UGT2B15: variants seen among roughly 807,000 people sequenced by gnomAD.
The protein encoded by UGT2B15 is UDP glucuronosyltransferase family 2 member B15.
A neutral mutation model predicts 45.9 loss-of-function variants in UGT2B15; 36 were observed. The observed-to-expected ratio is 0.78, with a 90% confidence interval of 0.60 to 1.04. The LOEUF is 1.04. Among genes scored for constraint, UGT2B15 ranks in the 50% least tolerant of loss-of-function variants. The probability of loss-of-function intolerance (pLI) is 0.00; values close to 1 mark genes in which losing one functional copy is unlikely to be tolerated. For synonymous variants in UGT2B15, 219 were observed against 216.4 expected (o/e 1.01, Z -0.11); for missense variants, 617 against 622.4 (o/e 0.99, Z 0.09).
At position 68,655,174 on chromosome 4, in the gene UGT2B15, C is replaced by T. The variant is rs773027308; in HGVS notation, c.1014G>A (p.Trp338Ter). ...ALAQIPQKVL[W>*]RFDGKKPNTL... ...TATTTGGCTTCTTGCCATCAAATCT[C>T]CATAGAACCTGTTAGGGCAAGGAAA... Residue 338 changes from tryptophan (W) to a stop codon, truncating the protein, a stop_gained, in exon 4 of 6, where the codon TGG becomes TGA. Transcript: ENST00000338206. LOFTEE classifies it high-confidence loss of function. The T allele has an allele frequency of 6.2e-7, 1 of 1,613,256 alleles. No homozygotes were observed. Among genetic ancestry groups the T allele is most frequent in the East Asian group, 2.2e-5 (1 of 44,778 alleles).
chr4:68,647,219 T>C lies in UGT2B15; in HGVS notation c.1478A>G (p.Asp493Gly). 1 of 1,613,912 alleles carries C rather than the reference T, an allele frequency of 6.2e-7. No individual in the cohort carries two copies. Among genetic ancestry groups the C allele is most frequent in the South Asian group, 1.1e-5 (1 of 91,066 alleles). Residue 493 changes from aspartate (D) to glycine (G), a missense_variant, in exon 6 of 6, where the codon GAT becomes GGT. Around this residue, in one of 3 missense-constraint regions of UGT2B15, gnomAD observed 265 missense variants for 245.1 expected, o/e 1.08. Transcript: ENST00000338206. ...GCAGGCCAGCAGGAATGCTATCACA[T>C]CCAAAGAGTGGTACTGGATCCAGGT... ...NLTWIQYHSL[D>G]VIAFLLACVA...
intron 5 of UGT2B15, among the ~76,000 whole-genome samples, chr4:68,650,430 C>T (rs980427890): frequency 7.9e-5 from 12 of 151,958 alleles, no homozygotes; most frequent in Admixed American, 1.3e-4. Flanking sequence ...TTAGTTGCTG[C>T]GGATAATGGC....
At chr4:68,653,513 G>T (rs1732712976) in intron 5 of UGT2B15, among the ~76,000 whole-genome samples, 1 of 151,920 alleles carries the variant, frequency 6.6e-6, no homozygotes, top group Non-Finnish European at 1.5e-5. Flanking sequence ...TACATTATGA[G>T]TTTAATTTGA....
chr4:68,664,510 T>C (rs1733062376), intron 2 of UGT2B15, among the ~76,000 whole-genome samples: 2 of 152,212 alleles, frequency 1.3e-5, no homozygotes, highest in Middle Eastern at 3.4e-3. Context: ...TTCTAAAATA[T>C]GTCAATTCAG....
chr4:68,666,733 CAT>C lies in UGT2B15; in HGVS notation c.873+1305_873+1306del, dbSNP rs975003043. 9.8e-3 allele frequency among the ~76,000 whole-genome samples: 1,329 copies of C among 136,286 alleles called. 27 individuals are homozygous for C. Among genetic ancestry groups the C allele is most frequent in the African/African-American group, 0.032 (1,212 of 37,336 alleles). The allele number at this position is 136,286 out of a possible 152,430, so 89.4% of individuals were successfully genotyped here. On this transcript the variant is annotated intron_variant, in intron 2 of 5. Transcript: ENST00000338206. ...TTGTCCCTATGGGTATATCAAATTA[CAT>C]ATATATATATATATATATTTTTTTT...
rs970912805 is a variant in UGT2B15 at position 68,653,522 on chromosome 4, G to A, written c.1313+515C>T. 3.3e-5 allele frequency among the ~76,000 whole-genome samples: 5 copies of A among 151,834 alleles called. 1 individual carries two copies. Among genetic ancestry groups the A allele is most frequent in the Middle Eastern group, 6.5e-3 (2 of 310 alleles). Reference sequence around the variant, plus strand: ...ACTTCATACATTATGAGTTTAATTTGAATTCATTAAAATGTTCTTTAGGGC... The same window carrying A: ...ACTTCATACATTATGAGTTTAATTTAAATTCATTAAAATGTTCTTTAGGGC... On this transcript the variant is annotated intron_variant, in intron 5 of 5. Coordinates refer to ENST00000338206, the MANE Select transcript of UGT2B15 (RefSeq NM_001076.4).
intron 3 of UGT2B15, among the ~76,000 whole-genome samples, chr4:68,659,953 C>CTT: frequency 7.0e-6 from 1 of 141,930 alleles, no homozygotes; most frequent in Non-Finnish European, 1.5e-5. Context: ...GTGAAGGAAT[C>CTT]TTTTTTTTTT....
rs1260706485 is a variant in UGT2B15 at position 68,670,440 on chromosome 4, G to C, written c.179C>G (p.Ala60Gly). The C allele has an allele frequency of 1.2e-6, 2 of 1,613,912 alleles. No homozygotes were observed. Among genetic ancestry groups the C allele is most frequent in the Non-Finnish European group, 1.7e-6 (2 of 1,179,980 alleles). ...TTTACTGGCATTGACAAGAGTAGAA[G>C]CCGAAGATGTCAACACAGTCACCTC... Reference protein sequence around the residue: ...GHEVTVLTSSASTLVNASKSS... With the variant: ...GHEVTVLTSSGSTLVNASKSS... The change falls in exon 1 of 6, where the codon GCT becomes GGT. Residue 60 changes from alanine to glycine, a missense_variant. Transcript: ENST00000338206.
In UGT2B15 at chr4:68,646,965, T is replaced by A; in HGVS notation, c.*139A>T. 1 of 1,316,530 alleles carries A rather than the reference T, an allele frequency of 7.6e-7. No individual in the cohort carries two copies. The highest frequency in any genetic ancestry group is 1.0e-6 in the Non-Finnish European group (1 of 961,530). 81.6% of individuals were successfully genotyped at this position (1,316,530 alleles called of 1,614,324 possible). A position where few individuals can be genotyped will look rare whatever the true frequency, so the allele number is the denominator to read the frequency against. On this transcript the variant is annotated 3_prime_UTR_variant, in exon 6 of 6. Transcript: ENST00000338206. ...AAGTACGTATTAAATCCCTGGAAAA[T>A]AAATTTTGTCTTAACAAGGTAAGTT...
At chr4:68,666,750 A>ATTTTTTTTT (rs1327859346) in intron 2 of UGT2B15, among the ~76,000 whole-genome samples, 2 of 120,610 alleles carry the variant, frequency 1.7e-5, no homozygotes, top group Non-Finnish European at 1.7e-5. Flanking sequence ...ATATATATAT[A>ATTTTTTTTT]TATTTTTTTT....
At chr4:68,652,118 T>G (rs1390883453) in intron 5 of UGT2B15, among the ~76,000 whole-genome samples, 2 of 152,094 alleles carry the variant, frequency 1.3e-5, no homozygotes, top group Admixed American at 1.3e-4. Flanking sequence ...CCTAGGTATT[T>G]TATTCTCTTT....
At chr4:68,665,487 T>C (rs1478916238) in intron 2 of UGT2B15, among the ~76,000 whole-genome samples, 7 of 152,162 alleles carry the variant, frequency 4.6e-5, no homozygotes, top group African/African-American at 1.4e-4. Flanking sequence ...GTTTTTTTAA[T>C]GAGTATTTGC....
intron 5 of UGT2B15, 98 bp from the exon 6 acceptor site, chr4:68,647,481 T>G (rs1471017295): frequency 7.5e-7 from 1 of 1,338,726 alleles, no homozygotes. Flanking sequence ...ACACAAATGA[T>G]TGAAAGTAAG....
intron 3 of UGT2B15, among the ~76,000 whole-genome samples, chr4:68,657,500 A>C (rs1275402865): frequency 6.6e-6 from 1 of 152,128 alleles, no homozygotes; most frequent in African/African-American, 2.4e-5. Context: ...GCCACAGCTC[A>C]GTTCCTCCTT....
intron 1 of UGT2B15, among the ~76,000 whole-genome samples, chr4:68,668,764 C>T (rs1193681312): frequency 6.6e-6 from 1 of 150,884 alleles, no homozygotes; most frequent in African/African-American, 2.4e-5. Flanking sequence ...TTCTAAGTTT[C>T]TTGAGGCATC....
At chr4:68,662,362 C>T (rs5017546) in intron 3 of UGT2B15, among the ~76,000 whole-genome samples, 140,421 of 151,060 alleles carry the variant, frequency 0.93, 66,155 homozygotes, top group East Asian at 1. Context: ...AAGACATTAG[C>T]GGCACCCAAG....
chr4:68,655,159 C>A lies in UGT2B15; in HGVS notation c.1029G>T (p.Lys343Asn). Residue 343 changes from lysine (K) to asparagine (N), a missense_variant, in exon 4 of 6, where the codon AAG (lysine) becomes AAT (asparagine). Around this residue, in one of 3 missense-constraint regions of UGT2B15, gnomAD observed 265 missense variants for 245.1 expected, o/e 1.08. Transcript: ENST00000338206. Reference sequence around the variant, plus strand: ...TATTGGAACCTAAAGTATTTGGCTTCTTGCCATCAAATCTCCATAGAACCT... The same window carrying A: ...TATTGGAACCTAAAGTATTTGGCTTATTGCCATCAAATCTCCATAGAACCT... Reference protein sequence around the residue: ...PQKVLWRFDGKKPNTLGSNTR... With the variant: ...PQKVLWRFDGNKPNTLGSNTR... 6.2e-7 allele frequency: 1 copy of A among 1,613,342 alleles called. No homozygotes were observed. Among genetic ancestry groups the A allele is most frequent in the East Asian group, 2.2e-5 (1 of 44,782 alleles).
intron 3 of UGT2B15, among the ~76,000 whole-genome samples, chr4:68,662,257 G>C (rs988480022): frequency 2.6e-5 from 4 of 151,948 alleles, no homozygotes; most frequent in African/African-American, 9.7e-5. Flanking sequence ...CTGATTCTTA[G>C]AGCATAGTCT....
At chr4:68,666,676 T>A (rs1291550840) in intron 2 of UGT2B15, among the ~76,000 whole-genome samples, 1 of 151,222 alleles carries the variant, frequency 6.6e-6, no homozygotes, top group Non-Finnish European at 1.5e-5. Context: ...CTTCATTTCT[T>A]AACTCTTTTC....
Sources: gnomAD v4.1 joint callset for allele counts (sites outside exome capture counted in the v4.1 genomes callset) on GRCh38, gnomAD v4.1.1 for gene constraint, gnomAD v4.1.1 regional missense constraint, MANE v1.5 for transcripts, NCBI Gene and HGNC (gene_info 2026-07-23, HGNC 2026-07-21) for gene names.